SUPT20H: variants seen among roughly 807,000 people sequenced by gnomAD.
The protein encoded by SUPT20H is transcription factor SPT20 homolog.
SUPT20H carries 82 observed loss-of-function variants against 122.8 expected under a neutral mutation model. The observed-to-expected ratio is 0.67, with a 90% CI of 0.56 to 0.80. SUPT20H has a LOEUF of 0.80. Ranked by LOEUF, SUPT20H falls within the 30% of genes least tolerant of loss-of-function variation. The pLI is 0.00. For missense variants in SUPT20H, 831 were observed against 921.6 expected (o/e 0.90, Z 1.27); for synonymous variants, 291 against 313.0 (o/e 0.93, Z 0.74).
rs973115123 is a variant in SUPT20H, at chr13:37,028,321, C to G, written c.994-16G>C. ...CTTTTACATCCTGAAAAATGCATAG[C>G]ACCTCAAATAAATACCTTCACAAGT... is the stretch of plus-strand genomic sequence containing the variant. On this transcript the variant is annotated splice_polypyrimidine_tract_variant and intron_variant, in intron 13 of 25. Transcript: ENST00000350612. The G allele has an allele frequency of 3.4e-5, 55 of 1,598,474 alleles. No individual in the cohort carries two copies. Among genetic ancestry groups the G allele is most frequent in the Non-Finnish European group, 4.6e-5 (54 of 1,174,266 alleles).
intron 1 of SUPT20H, among the ~76,000 whole-genome samples, chr13:37,053,503 T>G (rs1326309703): frequency 6.7e-6 from 1 of 149,772 alleles, no homozygotes; most frequent in Admixed American, 6.7e-5. Flanking sequence ...GAGGGGAACA[T>G]CACACGCTGG....
chr13:37,010,908 C>G (rs2059499954), intron 24 of SUPT20H: 3 of 317,596 alleles, frequency 9.4e-6, no homozygotes, highest in Non-Finnish European at 1.8e-5. Context: ...AACCTCTCTT[C>G]TCTTGCATCT....
At chr13:37,055,520 G>A (rs1181561946) in intron 1 of SUPT20H, among the ~76,000 whole-genome samples, 2 of 152,190 alleles carry the variant, frequency 1.3e-5, no homozygotes, top group Non-Finnish European at 2.9e-5. Flanking sequence ...ATGGGGAAAG[G>A]ATTCCCTATT....
intron 1 of SUPT20H, among the ~76,000 whole-genome samples, chr13:37,055,270 T>G (rs9742059): frequency 0.36 from 54,032 of 151,524 alleles, 11,130 homozygotes; most frequent in East Asian, 0.72. Flanking sequence ...AAAACTACTT[T>G]AAAGTTCATA....
rs767408438 is a variant in SUPT20H, at chr13:37,048,556, C to T, written c.39+8G>A. 1.3e-6 allele frequency: 2 copies of T among 1,589,654 alleles called. No homozygotes were observed. The highest frequency in any genetic ancestry group is 1.7e-6 in the Non-Finnish European group (2 of 1,169,834). ...ACTATTTCAATATGTAACTTAGTCA[C>T]ACCTCACCTCTGCACGATCCAAAGC... is the stretch of plus-strand genomic sequence containing the variant. On this transcript the variant is annotated splice_region_variant and intron_variant, in intron 3 of 25. Coordinates refer to ENST00000350612, the MANE Select transcript of SUPT20H (RefSeq NM_001014286.3).
chr13:37,037,695 A>C (rs990048505), intron 9 of SUPT20H, among the ~76,000 whole-genome samples: 1 of 152,240 alleles, frequency 6.6e-6, no homozygotes, highest in South Asian at 2.1e-4. Flanking sequence ...CAACTACATT[A>C]CAAGAATAAA....
At chr13:37,047,747 C>G in intron 4 of SUPT20H, 131 bp downstream of exon 4, 1 of 1,214,308 alleles carries the variant, frequency 8.2e-7, no homozygotes, top group South Asian at 1.8e-5. Context: ...TAGCTAACAT[C>G]AACTTAGAAA....
At chr13:37,043,625 T>G (rs990986046) in intron 7 of SUPT20H, among the ~76,000 whole-genome samples, 1 of 152,090 alleles carries the variant, frequency 6.6e-6, no homozygotes, top group African/African-American at 2.4e-5. Context: ...TCCAGATAGC[T>G]ATATATGTCT....
chr13:37,039,691 TTC>T (rs1202305450), intron 9 of SUPT20H: 2 of 152,126 alleles, frequency 1.3e-5, no homozygotes, highest in East Asian at 1.9e-4. Flanking sequence ...TCCTTCTGAC[TTC>T]TTTTTGTTTC....
At chr13:37,043,613 T>A (rs1186371255) in intron 7 of SUPT20H, among the ~76,000 whole-genome samples, 1 of 152,124 alleles carries the variant, frequency 6.6e-6, no homozygotes, top group East Asian at 1.9e-4. Flanking sequence ...AATAAGCCCA[T>A]TTCCAGATAG....
intron 18 of SUPT20H, 33 bp from the exon 19 acceptor site, chr13:37,024,226 A>G (rs761064950): frequency 1.1e-5 from 17 of 1,583,972 alleles, no homozygotes; most frequent in Non-Finnish European, 1.2e-5. Flanking sequence ...TCCTAAATTT[A>G]TAATTCAAAC....
chr13:37,054,553 A>G (rs1157270656), intron 1 of SUPT20H, among the ~76,000 whole-genome samples: 1 of 152,246 alleles, frequency 6.6e-6, no homozygotes, highest in Non-Finnish European at 1.5e-5. Flanking sequence ...AAGGCCTTTG[A>G]CGAAATTCAA....
chr13:37,053,104 G>A (rs1214950234), intron 1 of SUPT20H, among the ~76,000 whole-genome samples: 2 of 152,116 alleles, frequency 1.3e-5, no homozygotes, highest in Admixed American at 6.5e-5. Flanking sequence ...TGTGGAAGAC[G>A]GTGTGGCAAT....
intron 3 of SUPT20H, 108 bp downstream of exon 3, chr13:37,048,456 A>T: frequency 1.0e-6 from 1 of 991,288 alleles, no homozygotes; most frequent in Non-Finnish European, 1.5e-6. Context: ...TACTTGTCCT[A>T]AAATAGTAAT....
chr13:37,049,456 A>G (rs2067177992), intron 2 of SUPT20H, among the ~76,000 whole-genome samples: 2 of 152,076 alleles, frequency 1.3e-5, no homozygotes, highest in Non-Finnish European at 2.9e-5. Context: ...AAAATTAAAC[A>G]TGGCCAGGCA....
At chr13:37,043,562 G>A (rs548963889) in intron 7 of SUPT20H, among the ~76,000 whole-genome samples, 2 of 152,138 alleles carry the variant, frequency 1.3e-5, no homozygotes, top group Middle Eastern at 3.4e-3. Context: ...GAAGAACTAC[G>A]TCTCTACGTT....
chr13:37,053,005 TA>T (rs1464448562), intron 1 of SUPT20H, among the ~76,000 whole-genome samples: 1 of 152,094 alleles, frequency 6.6e-6, no homozygotes, highest in Non-Finnish European at 1.5e-5. Context: ...TGGCAGTCAT[TA>T]AAAAGTCTGG....
intron 9 of SUPT20H, among the ~76,000 whole-genome samples, chr13:37,037,091 G>C (rs956815840): frequency 6.6e-6 from 1 of 151,906 alleles, no homozygotes; most frequent in Non-Finnish European, 1.5e-5. Context: ...CAGCTACTCA[G>C]GAGGCCGAGG....
rs538979525 is a variant in SUPT20H, at chr13:37,021,303, A to T, written c.1816+145T>A. 3.0e-5 allele frequency: 27 copies of T among 909,864 alleles called. No homozygotes were observed. The East Asian group carries it at 7.9e-4, about 27-fold the overall frequency. The allele number at this position is 909,864 out of a possible 1,614,324, so 56.4% of individuals were successfully genotyped here. Reference sequence around the variant, plus strand: ...TTTTAATTCAAATGCCAGAACTTTTAAAGGCTTTTTAAGTGAAATATATGT... The same window carrying T: ...TTTTAATTCAAATGCCAGAACTTTTTAAGGCTTTTTAAGTGAAATATATGT... On this transcript the variant is annotated intron_variant, in intron 21 of 25. Transcript: ENST00000350612.
Sources: gnomAD v4.1 joint callset for allele counts (sites outside exome capture counted in the v4.1 genomes callset) on GRCh38, gnomAD v4.1.1 for gene constraint, MANE v1.5 for transcripts, NCBI Gene and HGNC (gene_info 2026-07-23, HGNC 2026-07-21) for gene names.